SETD2: variants seen among roughly 807,000 people sequenced by gnomAD.
The protein encoded by SETD2 is histone-lysine N-methyltransferase SETD2.
SETD2 carries 31 observed loss-of-function variants against 242.1 expected under a neutral mutation model. That is an observed-to-expected ratio of 0.13 (90% CI 0.10 to 0.17). The LOEUF (loss-of-function observed/expected upper bound fraction) is 0.17. Ranked by LOEUF, SETD2 falls within the 10% of genes least tolerant of loss-of-function variation. The probability of loss-of-function intolerance (pLI) is 1.00; values close to 1 mark genes in which losing one functional copy is unlikely to be tolerated. For synonymous variants in SETD2, 1,006 were observed against 1,066.5 expected, an observed-to-expected ratio of 0.94 and a Z score of 1.11; for missense variants, 2,481 against 3,046.3, an observed-to-expected ratio of 0.81 and a Z score of 4.37.
At chr3:47,072,051 G>A (rs2040844419) in intron 12 of SETD2, among the ~76,000 whole-genome samples, 1 of 152,168 alleles carries the variant, frequency 6.6e-6, no homozygotes, top group Non-Finnish European at 1.5e-5. Flanking sequence ...GCTCACGCTT[G>A]TAATCCCAGC....
intron 1 of SETD2, chr3:47,145,411 G>A (rs992322181): frequency 1.4e-5 from 4 of 285,024 alleles, no homozygotes; most frequent in Non-Finnish European, 3.0e-5. Flanking sequence ...GTTTTTAAGA[G>A]ACGGGGTCTT....
Position 47,068,695 on chromosome 3 carries a change from C to T in SETD2, c.6061-1577G>A, listed in dbSNP as rs576158670. Among the ~76,000 whole-genome samples, 9 of 152,220 alleles carry T rather than the reference C, an allele frequency of 5.9e-5. No individual in the cohort carries two copies. In the South Asian group the frequency reaches 1.9e-3, roughly 32 times the overall value. On this transcript the variant is annotated intron_variant, in intron 12 of 20. Coordinates refer to ENST00000409792, the MANE Select transcript of SETD2 (RefSeq NM_014159.7). Reference sequence around the variant, plus strand: ...TATTTTTAGTAAAGACAGGGTTTCACCATGTTAGCCAGGTTGGTCTCGAAC... The same window carrying T: ...TATTTTTAGTAAAGACAGGGTTTCATCATGTTAGCCAGGTTGGTCTCGAAC...
intron 1 of SETD2, among the ~76,000 whole-genome samples, chr3:47,139,317 T>C (rs996224583): frequency 1.1e-4 from 17 of 152,154 alleles, no homozygotes; most frequent in Non-Finnish European, 2.2e-4. Flanking sequence ...CTCAGCACTA[T>C]TATGCCTTTT....
At chr3:47,134,213 C>A (rs545046312) in intron 1 of SETD2, among the ~76,000 whole-genome samples, 1 of 152,270 alleles carries the variant, frequency 6.6e-6, no homozygotes, top group South Asian at 2.1e-4. Context: ...ATCCTTGATC[C>A]GCTTCCCAGC....
At chr3:47,053,687 C>T (rs62246403) in intron 15 of SETD2, among the ~76,000 whole-genome samples, 3,223 of 152,268 alleles carry the variant, frequency 0.021, 48 homozygotes, top group Non-Finnish European at 0.034. Context: ...AGCTTGCAAA[C>T]TCTGAGTAGC....
chr3:47,143,642 T>C (rs2106799622), intron 1 of SETD2, among the ~76,000 whole-genome samples: 1 of 152,350 alleles, frequency 6.6e-6, no homozygotes, highest in Non-Finnish European at 1.5e-5. Flanking sequence ...AGTTGATCTA[T>C]AAAACAAACT....
chr3:47,078,741 T>G (rs956765173), intron 12 of SETD2, among the ~76,000 whole-genome samples: 1 of 150,410 alleles, frequency 6.6e-6, no homozygotes, highest in Non-Finnish European at 1.5e-5. Flanking sequence ...TTTTGTTTTG[T>G]TTTTTTTTAC....
intron 1 of SETD2, among the ~76,000 whole-genome samples, chr3:47,153,581 T>C (rs2044049476): frequency 6.6e-6 from 1 of 151,916 alleles, no homozygotes. Flanking sequence ...AAGACTCCTA[T>C]CTCTACAAAA....
Position 47,121,862 on chromosome 3 carries a change from C to T in SETD2, c.2774G>A (p.Gly925Glu). 2 of 1,614,006 alleles carry T rather than the reference C, an allele frequency of 1.2e-6. No individual in the cohort carries two copies. The highest frequency in any genetic ancestry group is 2.2e-5 in the South Asian group (2 of 91,080). ...KKSSEFLKHA[G>E]KETIVEVGSD... ...ACCTACTTCTACTATTGTTTCTTTC[C>T]CTGCATGCTTTAAAAACTCTGAACT... The change falls in exon 3 of 21, where the codon GGG (glycine) becomes GAG (glutamate). Residue 925 changes from glycine to glutamate, a missense_variant. Transcript: ENST00000409792.
rs2107640571 is a variant in SETD2 at position 47,084,304 on chromosome 3, G to A, written c.5476C>T (p.Arg1826Cys). Reference protein sequence around the residue: ...EESKVLPIIQRWSQTKTAVPP... With the variant: ...EESKVLPIIQCWSQTKTAVPP... ...ACAGCAGTCTTAGTCTGAGACCAGC[G>A]TTGAATAATTGGAAGTACTTTGCTT... The change falls in exon 12 of 21, where the codon CGC becomes TGC. Residue 1826 changes from arginine (R) to cysteine (C), a missense_variant. Around this residue, in one of 17 missense-constraint regions of SETD2, gnomAD observed 203 missense variants for 222.4 expected, o/e 0.91. Transcript: ENST00000409792. 1 of 1,613,796 alleles carries A rather than the reference G, an allele frequency of 6.2e-7. No individual in the cohort carries two copies. Among genetic ancestry groups the A allele is most frequent in the African/African-American group, 1.3e-5 (1 of 74,976 alleles).
chr3:47,145,081 A>T lies in SETD2; in HGVS notation c.72-18418T>A, dbSNP rs535899554. On this transcript the variant is annotated intron_variant, in intron 1 of 20. Transcript: ENST00000409792. ...GTACGCAGCTGGTTTTCATGCCTACATCTACAGAGGTGAGAACACTGAAAA... is the reference window on the plus strand; with the variant it reads ...GTACGCAGCTGGTTTTCATGCCTACTTCTACAGAGGTGAGAACACTGAAAA... Among the ~76,000 whole-genome samples, 4 of 152,374 alleles carry T rather than the reference A, an allele frequency of 2.6e-5. No individual in the cohort carries two copies. In the East Asian group the frequency reaches 7.7e-4, roughly 29 times the overall value.
chr3:47,029,697 TATGA>T lies in SETD2; in HGVS notation c.7350+7965_7350+7968del, dbSNP rs1348485980. Among the ~76,000 whole-genome samples, 158 of 152,282 alleles carry T rather than the reference TATGA, an allele frequency of 1.0e-3. 1 individual carries two copies. Among genetic ancestry groups the T allele is most frequent in the African/African-American group, 3.5e-3 (146 of 41,564 alleles). Reference sequence around the variant, plus strand: ...AAAAAGCTACAATAAAGCTACAAACTATGATTTGGGGGTATTTGCTTAAGTATGA... The same window carrying T: ...AAAAAGCTACAATAAAGCTACAAACTTTTGGGGGTATTTGCTTAAGTATGA... On this transcript the variant is annotated intron_variant, in intron 18 of 20. Coordinates refer to ENST00000409792, the MANE Select transcript of SETD2 (RefSeq NM_014159.7).
At chr3:47,073,915 G>A (rs917869484) in intron 12 of SETD2, among the ~76,000 whole-genome samples, 2 of 152,160 alleles carry the variant, frequency 1.3e-5, no homozygotes, top group African/African-American at 4.8e-5. Context: ...TAATAACTAT[G>A]AAGAGCAATT....
intron 1 of SETD2, among the ~76,000 whole-genome samples, chr3:47,137,041 T>C (rs2043604241): frequency 1.3e-5 from 2 of 152,128 alleles, no homozygotes; most frequent in Non-Finnish European, 1.5e-5. Context: ...ACATGCAACA[T>C]ACACGTGTAA....
chr3:47,053,472 C>T (rs900586746), intron 15 of SETD2, among the ~76,000 whole-genome samples: 2 of 152,120 alleles, frequency 1.3e-5, no homozygotes, highest in Non-Finnish European at 2.9e-5. Context: ...GAGAGTAAGT[C>T]ACTTATTAGT....
At chr3:47,070,035 C>T (rs963761586) in intron 12 of SETD2, among the ~76,000 whole-genome samples, 1 of 152,144 alleles carries the variant, frequency 6.6e-6, no homozygotes, top group African/African-American at 2.4e-5. Flanking sequence ...TTGAGGGTCC[C>T]ACTAAGAATA....
At chr3:47,032,940 G>A (rs991068637) in intron 18 of SETD2, among the ~76,000 whole-genome samples, 1 of 151,656 alleles carries the variant, frequency 6.6e-6, no homozygotes, top group Non-Finnish European at 1.5e-5. Flanking sequence ...CATCCTTAAA[G>A]ACTGAATTGC....
At chr3:47,085,547 T>C (rs2041517635) in intron 11 of SETD2, among the ~76,000 whole-genome samples, 1 of 152,188 alleles carries the variant, frequency 6.6e-6, no homozygotes, top group Non-Finnish European at 1.5e-5. Context: ...TTCCTCAATT[T>C]CCTCAAGCCA....
chr3:47,144,720 C>A (rs904408971), intron 1 of SETD2, among the ~76,000 whole-genome samples: 3 of 152,150 alleles, frequency 2.0e-5, no homozygotes, highest in Admixed American at 2.0e-4. Context: ...GTAATCCCAG[C>A]ACTTTGGGAG....
Sources: gnomAD v4.1 joint callset for allele counts (sites outside exome capture counted in the v4.1 genomes callset) on GRCh38, gnomAD v4.1.1 for gene constraint, gnomAD v4.1.1 regional missense constraint, MANE v1.5 for transcripts, NCBI Gene and HGNC (gene_info 2026-07-23, HGNC 2026-07-21) for gene names.